ARID4B: variants seen among roughly 807,000 people sequenced by gnomAD.
ARID4B encodes AT-rich interaction domain 4B, also known as AT-rich interactive domain-containing protein 4B.
Under a neutral mutation model 147.5 loss-of-function variants are expected in ARID4B, and 26 were observed. The ratio of observed to expected loss-of-function variants is 0.18; its 90% CI spans 0.13 to 0.24. The LOEUF is 0.24. ARID4B is among the 10% of genes least tolerant of loss of function. The pLI is 1.00. For synonymous variants in ARID4B, 512 were observed against 507.9 expected (o/e 1.01, Z -0.11); for missense variants, 1,179 against 1,511.5 (o/e 0.78, Z 3.65).
chr1:235,256,897 T>A (rs1277893750), intron 4 of ARID4B, among the ~76,000 whole-genome samples: 6 of 152,172 alleles, frequency 3.9e-5, no homozygotes. Context: ...ATCTTTTTTT[T>A]AAAAGACAGC....
intron 8 of ARID4B, among the ~76,000 whole-genome samples, chr1:235,236,836 A>ATATATATATATATATATATATATATGTG (rs1668611096): frequency 1.6e-4 from 4 of 24,794 alleles, no homozygotes; most frequent in South Asian, 4.7e-3. Flanking sequence ...TATAAAAAAT[A>ATATATATATATATATATATATATATGTG]TATATATATA....
At chr1:235,221,837 T>C (rs1667483890) in intron 13 of ARID4B, among the ~76,000 whole-genome samples, 175 bp from the exon 14 acceptor site, 1 of 147,616 alleles carries the variant, frequency 6.8e-6, no homozygotes, top group Non-Finnish European at 1.5e-5. Context: ...TTTAGTACTC[T>C]AACAAATATC....
intron 2 of ARID4B, among the ~76,000 whole-genome samples, chr1:235,301,038 C>CTTTTTTTTTTTT (rs780839339): frequency 1.8e-5 from 2 of 112,272 alleles, no homozygotes; most frequent in African/African-American, 7.3e-5. Context: ...TTTAAGTATT[C>CTTTTTTTTTTTT]TTTTTTTTTT....
intron 8 of ARID4B, among the ~76,000 whole-genome samples, chr1:235,237,871 C>T (rs925425858): frequency 1.3e-5 from 2 of 152,162 alleles, no homozygotes; most frequent in African/African-American, 2.4e-5. Context: ...TTAATCATCA[C>T]CGGGTGTGCT....
chr1:235,208,012 G>A (rs1307833272), intron 17 of ARID4B, among the ~76,000 whole-genome samples: 2 of 152,038 alleles, frequency 1.3e-5, no homozygotes, highest in East Asian at 3.8e-4. Context: ...TTACTTTTGG[G>A]TTCCCATTAA....
chr1:235,266,302 G>T (rs1572111439), intron 2 of ARID4B, among the ~76,000 whole-genome samples: 2 of 152,046 alleles, frequency 1.3e-5, no homozygotes, highest in Non-Finnish European at 2.9e-5. Flanking sequence ...TGATAAATAT[G>T]CATGTCTATC....
At position 235,246,440 on chromosome 1, in the gene ARID4B, T is replaced by A. The variant is rs1394229539; in HGVS notation, c.426A>T (p.Arg142Ser). ...CTTACATATGATTAGATCTTCTTCCTCTATTTGTTTTCTTTCCTATGACTG... is the reference window on the plus strand; with the variant it reads ...CTTACATATGATTAGATCTTCTTCCACTATTTGTTTTCTTTCCTATGACTG... ...GTPVIGKKTNRGRRSNHIPEE... is the reference protein window; with the variant it reads ...GTPVIGKKTNSGRRSNHIPEE... The change falls in exon 7 of 24, where the codon AGA becomes AGT. Residue 142 changes from arginine to serine, a missense_variant. By Grantham distance (110) the Arg-to-Ser change is moderately radical (BLOSUM62 -1). Transcript: ENST00000264183. 1 of 1,611,344 alleles carries A rather than the reference T, an allele frequency of 6.2e-7. No homozygotes were observed. Among genetic ancestry groups the A allele is most frequent in the Non-Finnish European group, 8.5e-7 (1 of 1,177,568 alleles).
intron 6 of ARID4B, among the ~76,000 whole-genome samples, chr1:235,250,331 G>A (rs1669567548): frequency 6.6e-6 from 1 of 151,988 alleles, no homozygotes; most frequent in Non-Finnish European, 1.5e-5. Flanking sequence ...ACTCTGAATG[G>A]TCTTTCAAAA....
intron 2 of ARID4B, among the ~76,000 whole-genome samples, chr1:235,288,839 A>G (rs1165031053): frequency 6.6e-6 from 1 of 152,208 alleles, no homozygotes. Flanking sequence ...GCCAACACAT[A>G]ATGAAAAAAG....
intron 15 of ARID4B, 48 bp downstream of exon 15, chr1:235,220,254 G>A: frequency 6.6e-7 from 1 of 1,521,312 alleles, no homozygotes; most frequent in South Asian, 1.3e-5. Context: ...AGAGGATATG[G>A]AAAATATACC....
intron 2 of ARID4B, among the ~76,000 whole-genome samples, chr1:235,296,775 TA>T (rs1211104009): frequency 4.8e-4 from 33 of 69,274 alleles, no homozygotes; most frequent in East Asian, 1.2e-3. Flanking sequence ...TTACTCTAAT[TA>T]AAAAAAAAAA....
intron 2 of ARID4B, among the ~76,000 whole-genome samples, chr1:235,322,653 G>A (rs986824469): frequency 6.6e-6 from 1 of 152,164 alleles, no homozygotes; most frequent in African/African-American, 2.4e-5. Flanking sequence ...AGATATGCTA[G>A]GAGTTTTGCT....
intron 5 of ARID4B, among the ~76,000 whole-genome samples, chr1:235,253,170 T>G (rs1169855899): frequency 1.3e-5 from 2 of 152,218 alleles, no homozygotes; most frequent in African/African-American, 4.8e-5. Context: ...TTGACAGATT[T>G]ACCTAAGAAA....
intron 17 of ARID4B, among the ~76,000 whole-genome samples, chr1:235,211,264 G>C (rs955973809): frequency 6.6e-6 from 1 of 152,178 alleles, no homozygotes; most frequent in Non-Finnish European, 1.5e-5. Context: ...CCGGGAGGCG[G>C]AGGCTGCGGT....
At chr1:235,304,311 G>A (rs966342339) in intron 2 of ARID4B, among the ~76,000 whole-genome samples, 2 of 152,038 alleles carry the variant, frequency 1.3e-5, no homozygotes, top group Non-Finnish European at 2.9e-5. Flanking sequence ...TCACACCACA[G>A]CACTCCAGCC....
At position 235,181,970 on chromosome 1, in the gene ARID4B, T is replaced by A; in HGVS notation, c.2949A>T (p.Glu983Asp). ...AEEESCSPSV[E>D]LEKPPPVNVD... ...CATTGACTGGAGGTGGTTTTTCTAG[T>A]TCTACACTGGGTGAACAACTCTCCT... Residue 983 changes from glutamate (E) to aspartate (D), a missense_variant, in exon 20 of 24, where the codon GAA (glutamate) becomes GAT (aspartate). This residue lies in a region of ARID4B where 357 missense variants were observed against 427.3 expected (regional missense o/e 0.84). Transcript: ENST00000264183. The A allele has an allele frequency of 6.2e-7, 1 of 1,614,044 alleles. No individual in the cohort carries two copies.
chr1:235,217,034 C>G (rs1464997934), intron 16 of ARID4B, among the ~76,000 whole-genome samples: 1 of 151,992 alleles, frequency 6.6e-6, no homozygotes, highest in African/African-American at 2.4e-5. Context: ...TTCTAAATGC[C>G]AACAGCAAGC....
At chr1:235,187,122 C>T (rs1161988930) in intron 19 of ARID4B, 1 of 348,132 alleles carries the variant, frequency 2.9e-6, no homozygotes. Flanking sequence ...ACTCCTGTTA[C>T]CCAGGCTGGA....
chr1:235,271,782 C>G (rs1448552014), intron 2 of ARID4B, among the ~76,000 whole-genome samples: 2 of 151,788 alleles, frequency 1.3e-5, no homozygotes, highest in African/African-American at 4.8e-5. Context: ...AACCCTGTCT[C>G]TAATAAAAAT....
Sources: allele counts gnomAD v4.1 joint callset (sites outside exome capture counted in the v4.1 genomes callset), GRCh38; gene constraint gnomAD v4.1.1; regional missense constraint gnomAD v4.1.1; transcripts MANE v1.5; gene names NCBI Gene and HGNC (gene_info 2026-07-23, HGNC 2026-07-21).